Variants in RBL1 observed in about 807,000 individuals in gnomAD.
The protein encoded by RBL1 is RB transcriptional corepressor like 1.
Under a neutral mutation model 123.0 loss-of-function variants are expected in RBL1, and 82 were observed. The observed-to-expected ratio is 0.67, with a 90% confidence interval of 0.56 to 0.80. The LOEUF (loss-of-function observed/expected upper bound fraction) is 0.80. RBL1 is among the 30% of genes least tolerant of loss of function. The pLI is 0.00. For synonymous variants in RBL1, 405 were observed against 441.3 expected (o/e 0.92, Z 1.03); for missense variants, 1,171 against 1,299.6 (o/e 0.90, Z 1.52).
chr20:37,002,169 A>G (rs2146196359), intron 21 of RBL1, among the ~76,000 whole-genome samples: 1 of 151,264 alleles, frequency 6.6e-6, no homozygotes, highest in Admixed American at 6.6e-5. Flanking sequence ...AGCTGGGACT[A>G]CAGGCACATG....
Position 37,095,933 on chromosome 20 carries a change from T to C in RBL1, c.-5A>G, listed in dbSNP as rs760990219. 6.4e-7 allele frequency: 1 copy of C among 1,551,178 alleles called. No individual in the cohort carries two copies. The highest frequency in any genetic ancestry group is 1.2e-5 in the South Asian group (1 of 85,686). On this transcript the variant is annotated 5_prime_UTR_variant, in exon 1 of 22. Coordinates refer to ENST00000373664, the MANE Select transcript of RBL1 (RefSeq NM_002895.5). ...GTGGGGCTTGTCCTCGAACATCCCTTCAGGCCCCGCGGGCTGCGCGCCACG... is the reference window on the plus strand; with the variant it reads ...GTGGGGCTTGTCCTCGAACATCCCTCCAGGCCCCGCGGGCTGCGCGCCACG...
Position 37,004,596 on chromosome 20 carries a change from C to T in RBL1, c.2872-730G>A, listed in dbSNP as rs772331277. 4.7e-5 allele frequency among the ~76,000 whole-genome samples: 7 copies of T among 149,394 alleles called. No homozygotes were observed. In the East Asian group the frequency reaches 8.0e-4, roughly 17 times the overall value. ...GGCGTGGTGGCATATGCCTGTAATC[C>T]GAGCTATTTGGGAGGCTGAGGCACT... On this transcript the variant is annotated intron_variant, in intron 20 of 21. Coordinates refer to ENST00000373664, the MANE Select transcript of RBL1 (RefSeq NM_002895.5).
intron 19 of RBL1, among the ~76,000 whole-genome samples, chr20:37,008,764 C>T (rs934705940): frequency 2.6e-5 from 4 of 151,932 alleles, no homozygotes; most frequent in Non-Finnish European, 5.9e-5. Flanking sequence ...AAAAACCAAA[C>T]AGCCCCAGGG....
chr20:37,061,351 T>C, intron 8 of RBL1, 82 bp from the exon 9 acceptor site: 1 of 1,467,332 alleles, frequency 6.8e-7, no homozygotes, highest in Non-Finnish European at 9.1e-7. Context: ...TATACCATCT[T>C]CTCTATTCAT....
intron 19 of RBL1, among the ~76,000 whole-genome samples, chr20:37,007,915 TTGG>T (rs1488249393): frequency 6.6e-6 from 1 of 152,126 alleles, no homozygotes; most frequent in East Asian, 1.9e-4. Context: ...AATATACAAG[TTGG>T]TGATTTAAAT....
Position 37,061,365 on chromosome 20 carries a change from T to G in RBL1, c.1084-96A>C, listed in dbSNP as rs2065091768. ...ATATACCATCTTCTCTATTCATATT[T>G]GTAATATCCATGAAATTTTTAGCAA... On this transcript the variant is annotated intron_variant, in intron 8 of 21. Transcript: ENST00000373664. 6.3e-6 allele frequency: 9 copies of G among 1,425,912 alleles called. No individual in the cohort carries two copies. The East Asian group carries it at 2.2e-4, about 34-fold the overall frequency. 88.3% of individuals were successfully genotyped at this position (1,425,912 alleles called of 1,614,324 possible). A position where few individuals can be genotyped will look rare whatever the true frequency, so the allele number is the denominator to read the frequency against.
intron 11 of RBL1, among the ~76,000 whole-genome samples, chr20:37,052,301 G>C (rs917512802): frequency 1.3e-5 from 2 of 152,012 alleles, no homozygotes; most frequent in Non-Finnish European, 2.9e-5. Flanking sequence ...AAAGTGCTGG[G>C]ATTACAGGCG....
At chr20:37,042,595 C>G (rs1389669338) in intron 13 of RBL1, among the ~76,000 whole-genome samples, 2 of 151,976 alleles carry the variant, frequency 1.3e-5, no homozygotes, top group South Asian at 4.1e-4. Flanking sequence ...ATGTTCATAG[C>G]AGCATCAATC....
intron 2 of RBL1, among the ~76,000 whole-genome samples, chr20:37,087,135 G>A (rs2065559612): frequency 1.3e-5 from 2 of 152,214 alleles, no homozygotes; most frequent in South Asian, 4.1e-4. Context: ...AGGAGTTTGA[G>A]ACCAGCCTGG....
intron 3 of RBL1, 35 bp downstream of exon 3, chr20:37,067,951 T>A: frequency 6.3e-7 from 1 of 1,592,016 alleles, no homozygotes. Flanking sequence ...TGTATCATAA[T>A]CTTTATGTCA....
chr20:37,086,649 A>C (rs1677124280), intron 2 of RBL1, among the ~76,000 whole-genome samples: 1 of 152,240 alleles, frequency 6.6e-6, no homozygotes, highest in Non-Finnish European at 1.5e-5. Context: ...AAACACAGGA[A>C]TAGCAAATAG....
In RBL1 at chr20:37,047,047, T is replaced by C; in HGVS notation, c.1605+6A>G. On this transcript the variant is annotated splice_donor_region_variant and intron_variant, in intron 12 of 21. Coordinates refer to ENST00000373664, the MANE Select transcript of RBL1 (RefSeq NM_002895.5). Reference sequence around the variant, plus strand: ...ATCTCATAACAGAACTTTGTTTTCATCTCACCTTATAAAAGTAAAATGGTT... The same window carrying C: ...ATCTCATAACAGAACTTTGTTTTCACCTCACCTTATAAAAGTAAAATGGTT... The C allele has an allele frequency of 6.3e-7, 1 of 1,578,114 alleles. No homozygotes were observed. Among genetic ancestry groups the C allele is most frequent in the South Asian group, 1.2e-5 (1 of 84,296 alleles).
chr20:37,061,161 G>A lies in RBL1; in HGVS notation c.1192C>T (p.Gln398Ter). The change falls in exon 9 of 22, where the codon CAG becomes TAG. Residue 398 changes from glutamine (Q) to a stop codon, truncating the protein, a stop_gained. Transcript: ENST00000373664. LOFTEE classifies it high-confidence loss of function. The stretch of plus-strand genomic sequence containing the variant: ...TTTTTCAGACCAGCCACAATACTCT[G>A]TAACCGGCTCACACTTTGGGTGGCT... ...ASATQSVSRLQSIVAGLKNAP... is the reference protein window; with the variant it reads ...ASATQSVSRL 1 of 1,613,910 alleles carries A rather than the reference G, an allele frequency of 6.2e-7. No homozygotes were observed. The highest frequency in any genetic ancestry group is 8.5e-7 in the Non-Finnish European group (1 of 1,179,872).
chr20:37,007,545 T>C lies in RBL1; in HGVS notation c.2737A>G (p.Thr913Ala). ...CCACTGGAACAGTCAGGTGTTTTTG[T>C]AGCATCTTCTAAGTCTGTTAAAAAG... ...EMIDCDLEDA[T>A]KTPDCSSGPV... The change falls in exon 20 of 22, where the codon ACA (threonine) becomes GCA (alanine). Residue 913 changes from threonine (T) to alanine (A), a missense_variant. Physicochemically the swap from Thr to Ala is moderately conservative, Grantham distance 58. Transcript: ENST00000373664. 6.2e-7 allele frequency: 1 copy of C among 1,613,374 alleles called. No homozygotes were observed. Among genetic ancestry groups the C allele is most frequent in the Non-Finnish European group, 8.5e-7 (1 of 1,179,820 alleles).
intron 19 of RBL1, among the ~76,000 whole-genome samples, chr20:37,011,867 A>C (rs992554993): frequency 8.6e-5 from 13 of 151,338 alleles, no homozygotes; most frequent in Non-Finnish European, 1.8e-4. Flanking sequence ...TCCCTCTCCC[A>C]CTCCCTCTCC....
At chr20:37,034,707 A>G (rs1479216767) in intron 15 of RBL1, among the ~76,000 whole-genome samples, 2 of 152,062 alleles carry the variant, frequency 1.3e-5, no homozygotes, top group East Asian at 3.8e-4. Flanking sequence ...GAAGAAAAGA[A>G]AAAGTAAAAT....
intron 21 of RBL1, among the ~76,000 whole-genome samples, chr20:37,000,095 T>C (rs1387803449): frequency 6.7e-6 from 1 of 149,508 alleles, no homozygotes; most frequent in African/African-American, 2.5e-5. Context: ...GGAGCGCCTC[T>C]GCCCTGCTGC....
intron 2 of RBL1, among the ~76,000 whole-genome samples, chr20:37,083,968 G>C (rs1322749806): frequency 7.0e-5 from 10 of 143,250 alleles, no homozygotes; most frequent in African/African-American, 2.4e-4. Context: ...GAGTAGAGTT[G>C]CATCATCATA....
At chr20:37,000,264 C>T (rs1290745013) in intron 21 of RBL1, among the ~76,000 whole-genome samples, 6 of 149,864 alleles carry the variant, frequency 4.0e-5, no homozygotes, top group Non-Finnish European at 7.4e-5. Flanking sequence ...GGCAGCCACT[C>T]CGTCTGGGAA....
Sources: gnomAD v4.1 joint callset for allele counts (sites outside exome capture counted in the v4.1 genomes callset) on GRCh38, gnomAD v4.1.1 for gene constraint, MANE v1.5 for transcripts, NCBI Gene and HGNC (gene_info 2026-07-23, HGNC 2026-07-21) for gene names.